The following AKT3 variants were observed in gnomAD, a reference collection of about 807,000 sequenced individuals.
AKT3 encodes the protein AKT serine/threonine kinase 3.
AKT3 carries 15 observed loss-of-function variants against 65.3 expected under a neutral mutation model. The ratio of observed to expected loss-of-function variants is 0.23; its 90% CI spans 0.15 to 0.35. The LOEUF (loss-of-function observed/expected upper bound fraction) is 0.35, where lower values mean the gene tolerates loss of function less well. Ranked by LOEUF, AKT3 falls within the 10% of genes least tolerant of loss-of-function variation. The pLI is 1.00. For missense variants in AKT3, 243 were observed against 576.5 expected, an observed-to-expected ratio of 0.42 and a Z score of 5.92; for synonymous variants, 206 against 183.8, an observed-to-expected ratio of 1.12 and a Z score of -0.98.
intron 6 of AKT3, among the ~76,000 whole-genome samples, chr1:243,631,581 G>GC (rs1679616346): frequency 6.6e-6 from 1 of 152,156 alleles, no homozygotes; most frequent in Admixed American, 6.5e-5. Flanking sequence ...GAGCCACCAT[G>GC]CCCAGCGTGG....
At chr1:243,577,335 T>C (rs1675013798) in intron 8 of AKT3, among the ~76,000 whole-genome samples, 1 of 152,042 alleles carries the variant, frequency 6.6e-6, no homozygotes, top group Non-Finnish European at 1.5e-5. Context: ...TTAGTAGAGA[T>C]GGGGTTTCAC....
chr1:243,777,191 T>C (rs540558853), intron 2 of AKT3, among the ~76,000 whole-genome samples: 67 of 152,286 alleles, frequency 4.4e-4, no homozygotes, highest in African/African-American at 1.5e-3. Flanking sequence ...TTGGGGATGA[T>C]GCAAGTGCAT....
intron 11 of AKT3, among the ~76,000 whole-genome samples, chr1:243,550,574 C>T (rs999415933): frequency 6.6e-6 from 1 of 151,864 alleles, no homozygotes; most frequent in Non-Finnish European, 1.5e-5. Context: ...GTCAAAGTTG[C>T]CTGCAGGAAT....
At chr1:243,792,496 T>C (rs954331629) in intron 2 of AKT3, among the ~76,000 whole-genome samples, 1 of 152,128 alleles carries the variant, frequency 6.6e-6, no homozygotes, top group Non-Finnish European at 1.5e-5. Flanking sequence ...GCAAACAACA[T>C]GATCTGGCCC....
In AKT3 at chr1:243,720,564, G is replaced by A. The variant is rs187759530; in HGVS notation, c.47-24848C>T. Among the ~76,000 whole-genome samples, 4 of 151,868 alleles carry A rather than the reference G, an allele frequency of 2.6e-5. No homozygotes were observed. The East Asian group carries it at 7.7e-4, about 29-fold the overall frequency. On this transcript the variant is annotated intron_variant, in intron 2 of 13. Transcript: ENST00000673466. ...AGTTCTATGATTTTTATCATAAATA[G>A]GATCTCAGCCTGACTTGGCCTGTCT...
At chr1:243,841,859 C>T (rs1695258582) in intron 2 of AKT3, among the ~76,000 whole-genome samples, 1 of 151,880 alleles carries the variant, frequency 6.6e-6, no homozygotes, top group African/African-American at 2.4e-5. Context: ...TAATGATATA[C>T]AAGACATGGA....
chr1:243,610,042 T>C (rs1677754355), intron 8 of AKT3, among the ~76,000 whole-genome samples: 1 of 152,188 alleles, frequency 6.6e-6, no homozygotes, highest in South Asian at 2.1e-4. Context: ...GCAAGATCTA[T>C]GTTTAATTCA....
At chr1:243,745,259 G>C (rs1374953312) in intron 2 of AKT3, among the ~76,000 whole-genome samples, 1 of 152,120 alleles carries the variant, frequency 6.6e-6, no homozygotes, top group Non-Finnish European at 1.5e-5. Context: ...AGGATTACTT[G>C]AGCCCAGGAG....
In AKT3 at chr1:243,501,430, T is replaced by C. The variant is rs1669288629; in HGVS notation, c.*3819A>G. 1 of 233,282 alleles carries C rather than the reference T, an allele frequency of 4.3e-6. No homozygotes were observed. The highest frequency in any genetic ancestry group is 8.5e-6 in the Non-Finnish European group (1 of 118,036). 14.5% of individuals were successfully genotyped at this position (233,282 alleles called of 1,614,324 possible). A position where few individuals can be genotyped will look rare whatever the true frequency, so the allele number is the denominator to read the frequency against. On this transcript the variant is annotated 3_prime_UTR_variant, in exon 14 of 14. Transcript: ENST00000673466. ...CCAAACCGTGTGTTGTATAGATGAT[T>C]CGGGTCTGAATGTCCCCAGGGTCTG...
chr1:243,608,114 G>A (rs982722669), intron 8 of AKT3, among the ~76,000 whole-genome samples: 1 of 152,162 alleles, frequency 6.6e-6, no homozygotes, highest in Non-Finnish European at 1.5e-5. Context: ...GAACATCACA[G>A]AGTGACTTAC....
chr1:243,663,555 C>T (rs1682546457), intron 4 of AKT3, among the ~76,000 whole-genome samples: 1 of 152,056 alleles, frequency 6.6e-6, no homozygotes, highest in South Asian at 2.1e-4. Context: ...TACGTCTGCA[C>T]ATAGTAAGAT....
At chr1:243,541,148 G>A (rs1291667551) in intron 12 of AKT3, among the ~76,000 whole-genome samples, 2 of 152,050 alleles carry the variant, frequency 1.3e-5, no homozygotes, top group African/African-American at 4.8e-5. Context: ...ATATTCATAG[G>A]TGAATTCTGA....
chr1:243,773,922 A>G (rs1468858886), intron 2 of AKT3, among the ~76,000 whole-genome samples: 2 of 152,194 alleles, frequency 1.3e-5, no homozygotes, highest in Non-Finnish European at 2.9e-5. Flanking sequence ...CAATCCATCA[A>G]TACTCTAGTG....
At chr1:243,488,918 TC>T (rs2148266176) in intron 13 of AKT3, 2 of 1,586,080 alleles carry the variant, frequency 1.3e-6, no homozygotes, top group Non-Finnish European at 1.7e-6. Flanking sequence ...TGCTCATGGT[TC>T]CCTATCAGGG....
chr1:243,850,321 G>GC, upstream of AKT3, among the ~76,000 whole-genome samples: 3 of 150,286 alleles, frequency 2.0e-5, no homozygotes, highest in South Asian at 2.1e-4. Flanking sequence ...GGCGGCGGCG[G>GC]GAGGGGGAGG....
intron 3 of AKT3, among the ~76,000 whole-genome samples, 195 bp from the exon 4 acceptor site, chr1:243,665,078 C>T (rs992965054): frequency 1.3e-5 from 2 of 152,158 alleles, no homozygotes. Flanking sequence ...GCCACATTAA[C>T]CACCTCAACT....
intron 2 of AKT3, among the ~76,000 whole-genome samples, chr1:243,804,811 C>T (rs945536524): frequency 1.3e-5 from 2 of 150,972 alleles, no homozygotes. Flanking sequence ...CGCACCACTG[C>T]ACTCCAGCCT....
At chr1:243,514,814 G>C (rs751756233) in intron 12 of AKT3, among the ~76,000 whole-genome samples, 4 of 152,092 alleles carry the variant, frequency 2.6e-5, no homozygotes, top group Non-Finnish European at 5.9e-5. Context: ...CGGGGCGAAC[G>C]AGTAAAACCC....
intron 12 of AKT3, among the ~76,000 whole-genome samples, chr1:243,525,549 A>G (rs1670988321): frequency 6.6e-6 from 1 of 151,296 alleles, no homozygotes; most frequent in African/African-American, 2.4e-5. Flanking sequence ...AGAGACACAG[A>G]AACTATTAGG....
Sources: gnomAD v4.1 joint callset for allele counts (sites outside exome capture counted in the v4.1 genomes callset) on GRCh38, gnomAD v4.1.1 for gene constraint, MANE v1.5 for transcripts, NCBI Gene and HGNC (gene_info 2026-07-23, HGNC 2026-07-21) for gene names.